BANK1: variants seen among roughly 807,000 people sequenced by gnomAD.
BANK1 encodes B cell scaffold protein with ankyrin repeats 1.
Under a neutral mutation model 94.5 loss-of-function variants are expected in BANK1, and 95 were observed. The ratio of observed to expected loss-of-function variants is 1.00; its 90% CI spans 0.85 to 1.19. The LOEUF (loss-of-function observed/expected upper bound fraction) is 1.19. Ranked by LOEUF, BANK1 falls within the 50% of genes most tolerant of loss-of-function variation. The probability of loss-of-function intolerance (pLI) is 0.00; values close to 1 mark genes in which losing one functional copy is unlikely to be tolerated. For synonymous variants in BANK1, 334 were observed against 308.4 expected (o/e 1.08, Z -0.87); for missense variants, 987 against 932.2 (o/e 1.06, Z -0.77).
At position 102,010,037 on chromosome 4, in the gene BANK1, T is replaced by C. The variant is rs532772355; in HGVS notation, c.1207-11477T>C. Among the ~76,000 whole-genome samples the C allele has an allele frequency of 2.9e-3, 437 of 152,244 alleles. 4 individuals are homozygous for C. The highest frequency in any genetic ancestry group is 0.024 in the Middle Eastern group (7 of 294). The stretch of plus-strand genomic sequence containing the variant: ...ATCCCAGCACTTTGGGAGGCTAAGG[T>C]GGGCAGATCACGAAGTCAGGAGATC... On this transcript the variant is annotated intron_variant, in intron 7 of 16. Transcript: ENST00000322953.
intron 10 of BANK1, among the ~76,000 whole-genome samples, chr4:102,043,630 G>C (rs1727775952): frequency 6.6e-6 from 1 of 151,978 alleles, no homozygotes; most frequent in Non-Finnish European, 1.5e-5. Context: ...ATACTACTCT[G>C]CTCAATGAAA....
At chr4:101,870,673 A>G (rs72686742) in intron 5 of BANK1, 29 bp downstream of exon 5, 26,777 of 1,599,998 alleles carry the variant, frequency 0.017, 266 homozygotes, top group Non-Finnish European at 0.02. Context: ...GAAGTTAATC[A>G]TAATGTAAGC....
chr4:102,044,240 T>G (rs1300118093), intron 11 of BANK1, among the ~76,000 whole-genome samples: 2 of 152,098 alleles, frequency 1.3e-5, no homozygotes, highest in East Asian at 3.9e-4. Context: ...GTCCATGTGA[T>G]CTCATTGTTC....
chr4:102,003,161 T>C (rs1437205787), intron 7 of BANK1, among the ~76,000 whole-genome samples: 4 of 152,060 alleles, frequency 2.6e-5, no homozygotes, highest in African/African-American at 2.4e-5. Context: ...ATCCTGAAAA[T>C]TGGAAGGAAT....
intron 3 of BANK1, among the ~76,000 whole-genome samples, chr4:101,860,853 A>G (rs532157337): frequency 6.6e-6 from 1 of 152,356 alleles, no homozygotes; most frequent in East Asian, 1.9e-4. Flanking sequence ...AAGTTAAACA[A>G]GGAATGATGC....
chr4:101,899,371 A>G (rs1312492685), intron 6 of BANK1, among the ~76,000 whole-genome samples: 2 of 152,206 alleles, frequency 1.3e-5, no homozygotes, highest in East Asian at 3.9e-4. Flanking sequence ...AAAATTATAG[A>G]TTTTTCCACT....
chr4:101,797,641 G>T (rs551464907), intron 1 of BANK1, among the ~76,000 whole-genome samples: 1 of 152,110 alleles, frequency 6.6e-6, no homozygotes, highest in African/African-American at 2.4e-5. Flanking sequence ...TGACACCAAG[G>T]GTTGTGGTCT....
At chr4:102,054,201 A>G (rs1728150746) in intron 11 of BANK1, among the ~76,000 whole-genome samples, 1 of 152,130 alleles carries the variant, frequency 6.6e-6, no homozygotes, top group Non-Finnish European at 1.5e-5. Context: ...AAGGACACAG[A>G]GCTAAGAAAT....
chr4:101,805,161 T>C (rs1377757067), intron 1 of BANK1, among the ~76,000 whole-genome samples: 2 of 152,160 alleles, frequency 1.3e-5, no homozygotes, highest in African/African-American at 4.8e-5. Context: ...TTTTTCATGT[T>C]AGAAATGTTT....
At chr4:101,967,811 A>G (rs1267563663) in intron 7 of BANK1, among the ~76,000 whole-genome samples, 2 of 152,108 alleles carry the variant, frequency 1.3e-5, no homozygotes, top group African/African-American at 4.8e-5. Context: ...AAAAAGAAGA[A>G]GAGTATTAGA....
chr4:101,891,812 G>T (rs1248753983), intron 5 of BANK1, among the ~76,000 whole-genome samples: 1 of 151,874 alleles, frequency 6.6e-6, no homozygotes, highest in Non-Finnish European at 1.5e-5. Flanking sequence ...TGTATTTTCA[G>T]TTCTAAAAAT....
intron 7 of BANK1, among the ~76,000 whole-genome samples, chr4:101,935,614 T>C (rs1300265144): frequency 2.0e-4 from 31 of 151,602 alleles, no homozygotes; most frequent in Admixed American, 2.0e-3. Context: ...GAAAATCTTA[T>C]CTATGTGTAA....
chr4:101,985,578 C>T (rs1725457671), intron 7 of BANK1, among the ~76,000 whole-genome samples: 1 of 151,938 alleles, frequency 6.6e-6, no homozygotes, highest in African/African-American at 2.4e-5. Flanking sequence ...GAAATGAGTG[C>T]TACTTGCTAA....
At chr4:101,812,291 C>T (rs1398239954) in intron 1 of BANK1, among the ~76,000 whole-genome samples, 1 of 151,744 alleles carries the variant, frequency 6.6e-6, no homozygotes, top group Non-Finnish European at 1.5e-5. Flanking sequence ...TGCTGATTTT[C>T]AACTTTGATT....
chr4:101,804,108 A>T (rs188668162), intron 1 of BANK1, among the ~76,000 whole-genome samples: 1 of 151,844 alleles, frequency 6.6e-6, no homozygotes, highest in East Asian at 1.9e-4. Flanking sequence ...ATTATTTACT[A>T]CCTTAAAATA....
chr4:102,013,185 A>G (rs965261130), intron 7 of BANK1, among the ~76,000 whole-genome samples: 2 of 152,120 alleles, frequency 1.3e-5, no homozygotes, highest in African/African-American at 4.8e-5. Context: ...TTCTGAATGC[A>G]GCAATTATAG....
rs1360847070 is a variant in BANK1, at chr4:102,035,263, C to CT, written c.1900+4999dup. 2.0e-5 allele frequency among the ~76,000 whole-genome samples: 3 copies of CT among 152,178 alleles called. No homozygotes were observed. In the East Asian group the frequency reaches 5.8e-4, roughly 29 times the overall value. ...GGTTATTCATATACAGCTAAGCACT[C>CT]TAACTGCTTCCGCAAAGCTTAAAAC... On this transcript the variant is annotated intron_variant, in intron 10 of 16. Coordinates refer to ENST00000322953, the MANE Select transcript of BANK1 (RefSeq NM_017935.5).
intron 1 of BANK1, among the ~76,000 whole-genome samples, chr4:101,812,160 G>A (rs1245283027): frequency 1.3e-5 from 2 of 151,822 alleles, no homozygotes; most frequent in East Asian, 1.9e-4. Flanking sequence ...AAATGTTAAG[G>A]TAATGAAGAT....
intron 1 of BANK1, among the ~76,000 whole-genome samples, chr4:101,792,880 C>T (rs1725044904): frequency 6.6e-6 from 1 of 152,054 alleles, no homozygotes; most frequent in Admixed American, 6.5e-5. Flanking sequence ...AAATGATGCA[C>T]AATGGGTGAA....
Sources: allele counts gnomAD v4.1 joint callset (sites outside exome capture counted in the v4.1 genomes callset), GRCh38; gene constraint gnomAD v4.1.1; transcripts MANE v1.5; gene names NCBI Gene and HGNC (gene_info 2026-07-23, HGNC 2026-07-21).